Variants in ADGRL3 observed in about 807,000 individuals in gnomAD.
The protein encoded by ADGRL3 is adhesion G protein-coupled receptor L3, also known as calcium-independent alpha-latrotoxin receptor 3.
ADGRL3 carries 62 observed loss-of-function variants against 153.5 expected under a neutral mutation model. The observed-to-expected ratio is 0.40, with a 90% CI of 0.33 to 0.50. ADGRL3 has a LOEUF of 0.50. Among genes scored for constraint, ADGRL3 ranks in the 20% least tolerant of loss-of-function variants. ADGRL3 has a pLI of 0.47. For synonymous variants in ADGRL3, 710 were observed against 672.5 expected (o/e 1.06, Z -0.86); for missense variants, 1,641 against 1,859.4 (o/e 0.88, Z 2.16).
intron 2 of ADGRL3, among the ~76,000 whole-genome samples, chr4:61,448,385 A>T (rs1444691993): frequency 2.0e-5 from 3 of 152,206 alleles, no homozygotes; most frequent in African/African-American, 7.2e-5. Flanking sequence ...CCCAGTGGTT[A>T]AGAATGAGTG....
At chr4:61,243,196 G>A (rs1248418386) in intron 1 of ADGRL3, among the ~76,000 whole-genome samples, 5 of 152,006 alleles carry the variant, frequency 3.3e-5, no homozygotes, top group Non-Finnish European at 7.4e-5. Flanking sequence ...AAAGTAAATG[G>A]GAAGTAAACA....
chr4:61,959,486 A>T (rs772227777), intron 17 of ADGRL3, among the ~76,000 whole-genome samples: 1 of 151,904 alleles, frequency 6.6e-6, no homozygotes, highest in Non-Finnish European at 1.5e-5. Context: ...TCCCAACTTC[A>T]CCTCATTCCA....
intron 1 of ADGRL3, among the ~76,000 whole-genome samples, chr4:61,371,641 T>G (rs2096531167): frequency 6.6e-6 from 1 of 152,184 alleles, no homozygotes; most frequent in South Asian, 2.1e-4. Context: ...TAACCCGACC[T>G]TTCTCTCTGG....
intron 1 of ADGRL3, among the ~76,000 whole-genome samples, chr4:61,230,618 C>T (rs1750198275): frequency 6.6e-6 from 1 of 152,108 alleles, no homozygotes; most frequent in South Asian, 2.1e-4. Flanking sequence ...ACTCTGGCCT[C>T]AAGTCATCCT....
chr4:61,594,126 G>A (rs1360165286), intron 5 of ADGRL3, among the ~76,000 whole-genome samples: 1 of 152,100 alleles, frequency 6.6e-6, no homozygotes, highest in Non-Finnish European at 1.5e-5. Context: ...GCATTTTCAA[G>A]TCTAGCATTT....
intron 6 of ADGRL3, among the ~76,000 whole-genome samples, chr4:61,703,511 A>T (rs2095803756): frequency 6.6e-6 from 1 of 152,180 alleles, no homozygotes; most frequent in Admixed American, 6.6e-5. Context: ...GGTTAAAAAT[A>T]TGTAAGAATG....
chr4:61,791,453 C>A (rs558058458), intron 8 of ADGRL3, among the ~76,000 whole-genome samples: 4 of 152,318 alleles, frequency 2.6e-5, no homozygotes, highest in African/African-American at 9.6e-5. Context: ...TGGTCTTGGG[C>A]AGCTCTACCC....
intron 5 of ADGRL3, among the ~76,000 whole-genome samples, chr4:61,604,394 C>A (rs2099023807): frequency 6.6e-6 from 1 of 152,078 alleles, no homozygotes; most frequent in Non-Finnish European, 1.5e-5. Context: ...GGTATTATTG[C>A]TCTGGAATAA....
intron 3 of ADGRL3, among the ~76,000 whole-genome samples, chr4:61,508,505 T>A (rs2098444252): frequency 6.6e-6 from 1 of 152,090 alleles, no homozygotes; most frequent in Admixed American, 6.5e-5. Context: ...AATACAGAGG[T>A]TTTTAAAAAT....
At chr4:61,790,767 T>A (rs2097332450) in intron 8 of ADGRL3, among the ~76,000 whole-genome samples, 1 of 152,172 alleles carries the variant, frequency 6.6e-6, no homozygotes, top group African/African-American at 2.4e-5. Context: ...TTTATTGGAC[T>A]CACAGCTCCA....
At chr4:61,424,914 G>A (rs1327696743) in intron 2 of ADGRL3, among the ~76,000 whole-genome samples, 1 of 152,154 alleles carries the variant, frequency 6.6e-6, no homozygotes, top group Non-Finnish European at 1.5e-5. Flanking sequence ...CCTCCCAGTT[G>A]TGTGGGCATC....
intron 6 of ADGRL3, among the ~76,000 whole-genome samples, chr4:61,702,116 T>C (rs1040068506): frequency 6.6e-6 from 1 of 152,158 alleles, no homozygotes; most frequent in Non-Finnish European, 1.5e-5. Context: ...GATTTAGATA[T>C]GTAAAGGATG....
intron 10 of ADGRL3, among the ~76,000 whole-genome samples, chr4:61,894,595 A>G (rs11944676): frequency 0.05 from 7,678 of 152,162 alleles, 310 homozygotes; most frequent in East Asian, 0.18. Context: ...CTTTATTTGA[A>G]AGCACTTTGC....
intron 8 of ADGRL3, among the ~76,000 whole-genome samples, chr4:61,757,654 T>C (rs1274694242): frequency 6.6e-6 from 1 of 152,162 alleles, no homozygotes; most frequent in Admixed American, 6.5e-5. Flanking sequence ...ATTTCTTGCC[T>C]TCTACTAGCT....
intron 1 of ADGRL3, among the ~76,000 whole-genome samples, chr4:61,334,416 T>C (rs1414843662): frequency 6.6e-6 from 1 of 152,160 alleles, no homozygotes; most frequent in Non-Finnish European, 1.5e-5. Context: ...TTAGTTACTT[T>C]CAACAAAGTT....
intron 9 of ADGRL3, among the ~76,000 whole-genome samples, chr4:61,833,958 C>CTTTTTT (rs113049750): frequency 5.7e-5 from 7 of 123,398 alleles, no homozygotes; most frequent in African/African-American, 5.8e-5. Flanking sequence ...AAGGCAGCTT[C>CTTTTTT]TTTTTTTTTT....
rs980699392 is a variant in ADGRL3 at position 62,033,474 on chromosome 4, A to G, written c.3591+1864A>G. Reference sequence around the variant, plus strand: ...GGAAGAACGAGAATCAAGATGATACACTGAATTAAAGATAGGAGAAAATGT... The same window carrying G: ...GGAAGAACGAGAATCAAGATGATACGCTGAATTAAAGATAGGAGAAAATGT... On this transcript the variant is annotated intron_variant, in intron 23 of 26. Transcript: ENST00000683033. Among the ~76,000 whole-genome samples, 5 of 151,706 alleles carry G rather than the reference A, an allele frequency of 3.3e-5. No individual in the cohort carries two copies. The Admixed American group carries it at 3.3e-4, about 10-fold the overall frequency.
At chr4:61,749,146 A>G (rs2096716371) in intron 8 of ADGRL3, among the ~76,000 whole-genome samples, 1 of 152,122 alleles carries the variant, frequency 6.6e-6, no homozygotes, top group Non-Finnish European at 1.5e-5. Flanking sequence ...AATGCAAATC[A>G]AAACCGCAAT....
At position 61,300,764 on chromosome 4, in the gene ADGRL3, C is replaced by CT. The variant is rs1304409504; in HGVS notation, c.-239-82357dup. ...GAATGAGTTTTGTTTTCTTTTCTTTCTTTCTTTTTTTTTTTTTTTGAGACA... is the reference window on the plus strand; with the variant it reads ...GAATGAGTTTTGTTTTCTTTTCTTTCTTTTCTTTTTTTTTTTTTTTGAGACA... On this transcript the variant is annotated intron_variant, in intron 1 of 26. Transcript: ENST00000683033. 3.9e-4 allele frequency among the ~76,000 whole-genome samples: 43 copies of CT among 111,508 alleles called. 3 individuals carry two copies. The highest frequency in any genetic ancestry group is 6.7e-4 in the African/African-American group (23 of 34,586). The allele number at this position is 111,508 out of a possible 152,430, so 73.2% of individuals were successfully genotyped here.
Sources: allele counts gnomAD v4.1 joint callset (sites outside exome capture counted in the v4.1 genomes callset), GRCh38; gene constraint gnomAD v4.1.1; transcripts MANE v1.5; gene names NCBI Gene and HGNC (gene_info 2026-07-23, HGNC 2026-07-21).